The following DLG1 variants were observed in gnomAD, a reference collection of about 807,000 sequenced individuals.
The protein encoded by DLG1 is discs large MAGUK scaffold protein 1, also known as disks large homolog 1.
DLG1 carries 42 observed loss-of-function variants against 123.4 expected under a neutral mutation model. The observed-to-expected ratio is 0.34, with a 90% confidence interval of 0.27 to 0.44. The LOEUF (loss-of-function observed/expected upper bound fraction) is 0.44. Ranked by LOEUF, DLG1 falls within the 20% of genes least tolerant of loss-of-function variation. The probability of loss-of-function intolerance (pLI) is 1.00; values close to 1 mark genes in which losing one functional copy is unlikely to be tolerated. For missense variants in DLG1, 942 were observed against 1,082.6 expected, an observed-to-expected ratio of 0.87 and a Z score of 1.82; for synonymous variants, 317 against 356.2, an observed-to-expected ratio of 0.89 and a Z score of 1.24.
intron 3 of DLG1, among the ~76,000 whole-genome samples, chr3:197,285,458 G>GA (rs1771394861): frequency 6.6e-6 from 1 of 151,908 alleles, no homozygotes; most frequent in African/African-American, 2.4e-5. Context: ...ATTTGATGGG[G>GA]AAAAGAGAAT....
chr3:197,046,202 T>C (rs937963500), intron 24 of DLG1, among the ~76,000 whole-genome samples: 1 of 152,124 alleles, frequency 6.6e-6, no homozygotes, highest in African/African-American at 2.4e-5. Flanking sequence ...ATAGTTTAGG[T>C]TGACAACAGC....
intron 4 of DLG1, among the ~76,000 whole-genome samples, chr3:197,280,337 T>TGTGTG (rs1768639849): frequency 6.7e-6 from 1 of 149,916 alleles, no homozygotes; most frequent in Non-Finnish European, 1.5e-5. Flanking sequence ...GTAGTCCATT[T>TGTGTG]TGTGTGTGTG....
At chr3:197,118,215 C>G (rs1182626236) in intron 12 of DLG1, among the ~76,000 whole-genome samples, 1 of 152,104 alleles carries the variant, frequency 6.6e-6, no homozygotes, top group Non-Finnish European at 1.5e-5. Context: ...GTAAAATATG[C>G]AAAGAGATTA....
At chr3:197,116,163 A>AG in intron 12 of DLG1, 80 bp from the exon 13 acceptor site, 1 of 1,098,868 alleles carries the variant, frequency 9.1e-7, no homozygotes, top group Non-Finnish European at 1.3e-6. Flanking sequence ...ACCTACTGAT[A>AG]ATTTTTATGT....
intron 5 of DLG1, among the ~76,000 whole-genome samples, chr3:197,177,719 T>C (rs1306965957): frequency 6.6e-6 from 1 of 152,202 alleles, no homozygotes; most frequent in Non-Finnish European, 1.5e-5. Flanking sequence ...AATGATTCCC[T>C]CTTTTCATTA....
chr3:197,184,059 G>A, intron 5 of DLG1: 1 of 1,262,362 alleles, frequency 7.9e-7, no homozygotes, highest in Non-Finnish European at 1.0e-6. Context: ...ACGACATAAG[G>A]TGGATTTCTT....
intron 19 of DLG1, 50 bp from the exon 20 acceptor site, chr3:197,066,804 C>A (rs748867450): frequency 2.4e-6 from 3 of 1,261,340 alleles, no homozygotes; most frequent in Non-Finnish European, 3.4e-6. Flanking sequence ...ATAATTGATG[C>A]TAATCTAATT....
At chr3:197,248,088 C>T (rs955239286) in intron 4 of DLG1, among the ~76,000 whole-genome samples, 2 of 152,176 alleles carry the variant, frequency 1.3e-5, no homozygotes. Context: ...ACTTAATGTG[C>T]CTGAATCTCA....
intron 4 of DLG1, among the ~76,000 whole-genome samples, chr3:197,255,757 T>A (rs926326989): frequency 5.0e-5 from 7 of 139,828 alleles, no homozygotes; most frequent in African/African-American, 1.9e-4. Context: ...TCAAACCTAA[T>A]CTATAGTGAT....
At chr3:197,224,432 T>C (rs1349343912) in intron 4 of DLG1, among the ~76,000 whole-genome samples, 1 of 152,176 alleles carries the variant, frequency 6.6e-6, no homozygotes, top group African/African-American at 2.4e-5. Context: ...CCTTAAAAAA[T>C]TTAAAATCCT....
chr3:197,287,738 A>C (rs188311050), intron 3 of DLG1, among the ~76,000 whole-genome samples: 17 of 152,352 alleles, frequency 1.1e-4, no homozygotes, highest in African/African-American at 3.8e-4. Flanking sequence ...AAAATGCACA[A>C]TAAAACAGAA....
At chr3:197,239,513 T>C (rs548448284) in intron 4 of DLG1, among the ~76,000 whole-genome samples, 7 of 152,150 alleles carry the variant, frequency 4.6e-5, no homozygotes, top group Non-Finnish European at 7.4e-5. Flanking sequence ...AGGCCAAAGA[T>C]AGTACTAGAA....
intron 4 of DLG1, among the ~76,000 whole-genome samples, chr3:197,278,640 C>T (rs1579245707): frequency 1.3e-5 from 2 of 151,820 alleles, no homozygotes; most frequent in East Asian, 3.9e-4. Context: ...CTAATCCTGT[C>T]CCTTTAAATT....
intron 14 of DLG1, among the ~76,000 whole-genome samples, chr3:197,100,090 A>G (rs1762665499): frequency 6.6e-6 from 1 of 152,226 alleles, no homozygotes; most frequent in South Asian, 2.1e-4. Flanking sequence ...CGCGTAGAAA[A>G]ATACAGCAAG....
chr3:197,245,616 C>A (rs1751241918), intron 4 of DLG1, among the ~76,000 whole-genome samples: 2 of 152,144 alleles, frequency 1.3e-5, no homozygotes, highest in African/African-American at 4.8e-5. Context: ...GTAGCTGAGA[C>A]AAAACCTCCC....
At chr3:197,047,522 T>C (rs749238397) in intron 24 of DLG1, among the ~76,000 whole-genome samples, 1 of 142,146 alleles carries the variant, frequency 7.0e-6, no homozygotes, top group Non-Finnish European at 1.5e-5. Context: ...ACAACAAAAA[T>C]GTCCAAAGAC....
At chr3:197,220,432 T>C (rs1291390069) in intron 4 of DLG1, among the ~76,000 whole-genome samples, 1 of 152,100 alleles carries the variant, frequency 6.6e-6, no homozygotes, top group Non-Finnish European at 1.5e-5. Flanking sequence ...AAAAATTACA[T>C]TCCAAAATGT....
At chr3:197,156,458 T>G (rs1172066828) in intron 5 of DLG1, among the ~76,000 whole-genome samples, 5 of 152,150 alleles carry the variant, frequency 3.3e-5, no homozygotes, top group African/African-American at 1.2e-4. Flanking sequence ...AAGTCTTTCC[T>G]TACCAATAAT....
At chr3:197,065,879 C>A (rs1013397263) in intron 20 of DLG1, 70 bp from the exon 21 acceptor site, 4 of 1,048,290 alleles carry the variant, frequency 3.8e-6, no homozygotes, top group Admixed American at 2.3e-5. Flanking sequence ...ATTTCACCAG[C>A]GAACAAAAAT....
Sources: allele counts gnomAD v4.1 joint callset (sites outside exome capture counted in the v4.1 genomes callset), GRCh38; gene constraint gnomAD v4.1.1; transcripts MANE v1.5; gene names NCBI Gene and HGNC (gene_info 2026-07-23, HGNC 2026-07-21).